The following MAPK4 variants were observed in gnomAD, a reference collection of about 807,000 sequenced individuals.
MAPK4 encodes the protein Erk3-related.
Under a neutral mutation model 47.7 loss-of-function variants are expected in MAPK4, and 22 were observed. The observed-to-expected ratio is 0.46, with a 90% CI of 0.33 to 0.66. MAPK4 has a LOEUF of 0.66. MAPK4 is among the 30% of genes least tolerant of loss of function. The pLI is 0.02. For synonymous variants in MAPK4, 390 were observed against 365.7 expected (o/e 1.07, Z -0.76); for missense variants, 736 against 831.7 (o/e 0.88, Z 1.42).
intron 1 of MAPK4, among the ~76,000 whole-genome samples, chr18:50,637,659 C>G (rs1411272871): frequency 6.6e-6 from 1 of 152,192 alleles, no homozygotes; most frequent in South Asian, 2.1e-4. Flanking sequence ...GACAGAATAC[C>G]ACAGTCTGGG....
intron 1 of MAPK4, among the ~76,000 whole-genome samples, chr18:50,628,038 C>T (rs1022968496): frequency 2.0e-5 from 3 of 152,138 alleles, no homozygotes; most frequent in South Asian, 2.1e-4. Context: ...CATTGGTCTG[C>T]GTGGTGACTC....
intron 1 of MAPK4, among the ~76,000 whole-genome samples, chr18:50,651,206 A>G (rs555599642): frequency 6.6e-6 from 1 of 152,250 alleles, no homozygotes; most frequent in Non-Finnish European, 1.5e-5. Context: ...CTTACAGTGG[A>G]TTCCCCACTG....
chr18:50,729,560 C>T lies in MAPK4; in HGVS notation c.1470C>T (p.Phe490=). Reference sequence around the variant, plus strand: ...GCGAGGACGAGCCGGCCAGCCTCTTCCTGGAGATCGCGCAGTGGGTCAAGA... The same window carrying T: ...GCGAGGACGAGCCGGCCAGCCTCTTTCTGGAGATCGCGCAGTGGGTCAAGA... ...GAREDEPASL[F]LEIAQWVKST... The change falls in exon 6 of 6, where the codon TTC becomes TTT. Residue 490 remains phenylalanine, a synonymous_variant. Coordinates refer to ENST00000400384, the MANE Select transcript of MAPK4 (RefSeq NM_002747.4). 1.4e-6 allele frequency: 2 copies of T among 1,426,462 alleles called. No individual in the cohort carries two copies. Among genetic ancestry groups the T allele is most frequent in the Non-Finnish European group, 1.8e-6 (2 of 1,089,214 alleles). 88.4% of individuals were successfully genotyped at this position (1,426,462 alleles called of 1,614,324 possible).
At chr18:50,673,187 G>T (rs371434926) in intron 2 of MAPK4, among the ~76,000 whole-genome samples, 95 of 152,342 alleles carry the variant, frequency 6.2e-4, no homozygotes, top group African/African-American at 2.2e-3. Context: ...TGAGCCAGAA[G>T]AATCTCTTGA....
In MAPK4 at chr18:50,573,052, C is replaced by T. The variant is rs139314603; in HGVS notation, c.-871+12809C>T. Among the ~76,000 whole-genome samples, 61 of 152,230 alleles carry T rather than the reference C, an allele frequency of 4.0e-4. No individual in the cohort carries two copies. The East Asian group carries it at 8.7e-3, about 22-fold the overall frequency. ...TTATGGGGCAGTCATAAGCTTTTTT[C>T]CTAGAAGGACACACAAGACATTGTT... On this transcript the variant is annotated intron_variant, in intron 1 of 5. Coordinates refer to ENST00000400384, the MANE Select transcript of MAPK4 (RefSeq NM_002747.4).
intron 2 of MAPK4, among the ~76,000 whole-genome samples, chr18:50,697,948 C>T (rs960604621): frequency 9.2e-5 from 14 of 152,176 alleles, no homozygotes; most frequent in Admixed American, 9.2e-4. Flanking sequence ...TTCCCTGTCA[C>T]TCTAGGAAAT....
chr18:50,652,039 GA>G (rs2043055674), intron 1 of MAPK4, among the ~76,000 whole-genome samples: 1 of 152,160 alleles, frequency 6.6e-6, no homozygotes, highest in Non-Finnish European at 1.5e-5. Flanking sequence ...CTTATTTCTG[GA>G]AGCACATCTG....
At chr18:50,632,764 C>T (rs1256771980) in intron 1 of MAPK4, among the ~76,000 whole-genome samples, 1 of 151,888 alleles carries the variant, frequency 6.6e-6, no homozygotes, top group Non-Finnish European at 1.5e-5. Flanking sequence ...AGAATATAGG[C>T]ATGTACCACC....
At chr18:50,578,223 AG>A (rs1317612453) in intron 1 of MAPK4, among the ~76,000 whole-genome samples, 1 of 152,192 alleles carries the variant, frequency 6.6e-6, no homozygotes, top group Non-Finnish European at 1.5e-5. Flanking sequence ...ATCCTGGAAA[AG>A]GGGAAGTGGC....
In MAPK4 at chr18:50,729,940, CCT is replaced by C; in HGVS notation, c.*91_*92del. On this transcript the variant is annotated 3_prime_UTR_variant, in exon 6 of 6. Transcript: ENST00000400384. The stretch of plus-strand genomic sequence containing the variant: ...GCAGGAGGCGGCCGCCCTTCCCGCC[CCT>C]CTCTGCTGCCTTGGGGTTGGCAGAA... The C allele has an allele frequency of 2.2e-6, 3 of 1,362,512 alleles. No individual in the cohort carries two copies. Among genetic ancestry groups the C allele is most frequent in the South Asian group, 3.2e-5 (2 of 62,964 alleles). 84.4% of individuals were successfully genotyped at this position (1,362,512 alleles called of 1,614,324 possible).
intron 3 of MAPK4, among the ~76,000 whole-genome samples, chr18:50,719,598 G>A (rs369161286): frequency 2.6e-5 from 4 of 152,226 alleles, no homozygotes; most frequent in Admixed American, 6.5e-5. Context: ...CTGCCCCCAC[G>A]ATCTGGGTCA....
chr18:50,657,763 G>A (rs561299313), intron 1 of MAPK4, among the ~76,000 whole-genome samples: 16 of 151,932 alleles, frequency 1.1e-4, no homozygotes, highest in East Asian at 9.7e-4. Flanking sequence ...ACATTCAGCC[G>A]TGCACAGGAT....
chr18:50,569,353 T>C (rs547891636), intron 1 of MAPK4, among the ~76,000 whole-genome samples: 1 of 152,324 alleles, frequency 6.6e-6, no homozygotes, highest in Non-Finnish European at 1.5e-5. Flanking sequence ...CTTCAGGACA[T>C]TTGATAATTT....
chr18:50,623,227 C>T (rs1486513467), intron 1 of MAPK4, among the ~76,000 whole-genome samples: 10 of 152,152 alleles, frequency 6.6e-5, no homozygotes, highest in Admixed American at 2.0e-4. Context: ...AAGTCTCAGG[C>T]GGGGAGTGGT....
chr18:50,701,424 C>T (rs989588405), intron 2 of MAPK4, among the ~76,000 whole-genome samples: 3 of 152,214 alleles, frequency 2.0e-5, no homozygotes, highest in Non-Finnish European at 4.4e-5. Context: ...ACTTTCCCTC[C>T]TGCTGGATGC....
chr18:50,672,107 G>GTGTTTA (rs1490123394), intron 2 of MAPK4, among the ~76,000 whole-genome samples: 2 of 152,134 alleles, frequency 1.3e-5, no homozygotes, highest in Non-Finnish European at 2.9e-5. Flanking sequence ...TAGTGTCTGT[G>GTGTTTA]TGTTTATATT....
At chr18:50,629,610 C>G (rs1269628217) in intron 1 of MAPK4, 1 of 152,170 alleles carries the variant, frequency 6.6e-6, no homozygotes, top group Non-Finnish European at 1.5e-5. Context: ...AGAGCATCAG[C>G]TAAATGCATG....
At chr18:50,637,954 G>C (rs2042902300) in intron 1 of MAPK4, among the ~76,000 whole-genome samples, 1 of 152,228 alleles carries the variant, frequency 6.6e-6, no homozygotes, top group Non-Finnish European at 1.5e-5. Flanking sequence ...ATCACATTCT[G>C]AGTTACTAGG....
At chr18:50,703,667 G>T (rs754356437) in intron 2 of MAPK4, among the ~76,000 whole-genome samples, 1 of 152,144 alleles carries the variant, frequency 6.6e-6, no homozygotes, top group Admixed American at 6.5e-5. Flanking sequence ...GAGAAAGACT[G>T]GTCCCCATGA....
Sources: allele counts gnomAD v4.1 joint callset (sites outside exome capture counted in the v4.1 genomes callset), GRCh38; gene constraint gnomAD v4.1.1; transcripts MANE v1.5; gene names NCBI Gene and HGNC (gene_info 2026-07-23, HGNC 2026-07-21).